KCNIP4: variants seen among roughly 807,000 people sequenced by gnomAD.
KCNIP4 encodes potassium voltage-gated channel interacting protein 4.
In KCNIP4, 12 loss-of-function variants were observed where a neutral mutation model predicts 34.0. The ratio of observed to expected loss-of-function variants is 0.35; its 90% CI spans 0.23 to 0.57. The LOEUF is 0.57. Ranked by LOEUF, KCNIP4 falls within the 20% of genes least tolerant of loss-of-function variation. The probability of loss-of-function intolerance (pLI) is 0.83; values close to 1 mark genes in which losing one functional copy is unlikely to be tolerated. For missense variants in KCNIP4, 238 were observed against 311.7 expected (o/e 0.76, Z 1.78); for synonymous variants, 124 against 102.2 (o/e 1.21, Z -1.29).
At chr4:20,934,697 C>G (rs1474287746) in intron 1 of KCNIP4, among the ~76,000 whole-genome samples, 1 of 151,922 alleles carries the variant, frequency 6.6e-6, no homozygotes, top group Non-Finnish European at 1.5e-5. Context: ...GAGAAATAAA[C>G]AAAAAATAAG....
At chr4:21,417,720 C>T in intron 1 of KCNIP4, among the ~76,000 whole-genome samples, 1 of 152,088 alleles carries the variant, frequency 6.6e-6, no homozygotes. Context: ...ATTTTTCTCC[C>T]TTTGTGGGGC....
intron 3 of KCNIP4, among the ~76,000 whole-genome samples, chr4:20,763,264 G>A (rs541493799): frequency 6.6e-6 from 1 of 152,230 alleles, no homozygotes; most frequent in African/African-American, 2.4e-5. Context: ...ACAGTATTTT[G>A]CTTTTTTGGA....
At chr4:21,437,851 C>A (rs531213986) in intron 1 of KCNIP4, among the ~76,000 whole-genome samples, 1 of 150,346 alleles carries the variant, frequency 6.7e-6, no homozygotes, top group Non-Finnish European at 1.5e-5. Context: ...GTCAATGGAA[C>A]TTAAGGTTTT....
At chr4:21,532,875 A>G (rs114277654) in intron 1 of KCNIP4, among the ~76,000 whole-genome samples, 222 of 152,018 alleles carry the variant, frequency 1.5e-3, no homozygotes, top group African/African-American at 5.1e-3. Flanking sequence ...CTACCATATT[A>G]TATTATCCAA....
At chr4:21,463,760 T>C (rs1317792242) in intron 1 of KCNIP4, among the ~76,000 whole-genome samples, 1 of 152,100 alleles carries the variant, frequency 6.6e-6, no homozygotes, top group Non-Finnish European at 1.5e-5. Flanking sequence ...CTTCTCTTTT[T>C]TGAAAGAGTT....
intron 1 of KCNIP4, among the ~76,000 whole-genome samples, chr4:21,099,454 G>A (rs1747750535): frequency 6.6e-6 from 1 of 152,062 alleles, no homozygotes; most frequent in African/African-American, 2.4e-5. Context: ...ACACACTGGG[G>A]CTTGTCAAGG....
intron 1 of KCNIP4, among the ~76,000 whole-genome samples, chr4:21,256,398 A>T (rs1761063854): frequency 6.7e-6 from 1 of 149,564 alleles, no homozygotes; most frequent in Non-Finnish European, 1.5e-5. Flanking sequence ...TGGGCAACAT[A>T]ATGAGATCCC....
At chr4:21,780,746 C>T (rs1352191121) in intron 1 of KCNIP4, among the ~76,000 whole-genome samples, 2 of 152,166 alleles carry the variant, frequency 1.3e-5, no homozygotes, top group African/African-American at 2.4e-5. Context: ...ACAAATTATC[C>T]ACACACCTGT....
rs149191675 is a variant in KCNIP4 at position 21,139,477 on chromosome 4, T to A, written c.62-256768A>T. Among the ~76,000 whole-genome samples the A allele has an allele frequency of 2.2e-3, 338 of 152,346 alleles. 1 individual carries two copies. The highest frequency in any genetic ancestry group is 7.8e-3 in the African/African-American group (324 of 41,584). ...CAGATGCCCCTTCAATGATGGACTTTGCCCAGTTTGCTCAGAGTACTGTCA... is the reference window on the plus strand; with the variant it reads ...CAGATGCCCCTTCAATGATGGACTTAGCCCAGTTTGCTCAGAGTACTGTCA... On this transcript the variant is annotated intron_variant, in intron 1 of 8. Transcript: ENST00000382152.
intron 1 of KCNIP4, among the ~76,000 whole-genome samples, chr4:21,547,617 T>C (rs890807727): frequency 1.2e-4 from 18 of 152,086 alleles, no homozygotes; most frequent in South Asian, 4.1e-4. Context: ...CCTATAAACT[T>C]AAGCATATGC....
intron 1 of KCNIP4, among the ~76,000 whole-genome samples, chr4:20,949,451 G>A (rs562022561): frequency 2.0e-5 from 3 of 152,204 alleles, no homozygotes; most frequent in Non-Finnish European, 2.9e-5. Flanking sequence ...TCAGTGTGGC[G>A]ATTCCTCAGG....
intron 1 of KCNIP4, among the ~76,000 whole-genome samples, chr4:21,576,315 G>T (rs1199545799): frequency 6.6e-6 from 1 of 152,070 alleles, no homozygotes; most frequent in East Asian, 1.9e-4. Flanking sequence ...AAGCATAAAA[G>T]CCCACTGCTC....
chr4:21,702,581 TTAAG>T (rs1289547252), intron 1 of KCNIP4, among the ~76,000 whole-genome samples: 2 of 152,116 alleles, frequency 1.3e-5, no homozygotes, highest in African/African-American at 2.4e-5. Context: ...TTTATACCTG[TTAAG>T]TAAGTAAATT....
Position 21,225,151 on chromosome 4 carries a change from C to A in KCNIP4, c.62-342442G>T, listed in dbSNP as rs180677335. On this transcript the variant is annotated intron_variant, in intron 1 of 8. Coordinates refer to ENST00000382152, the MANE Select transcript of KCNIP4 (RefSeq NM_025221.6). The stretch of plus-strand genomic sequence containing the variant: ...TCACAACAGGTTTTTTGGGGCATAA[C>A]CCTATTGTAAATTGAGGAGCATCTG... Among the ~76,000 whole-genome samples the A allele has an allele frequency of 7.9e-4, 120 of 152,178 alleles. 1 individual carries two copies. The East Asian group carries it at 0.016, about 21-fold the overall frequency.
intron 1 of KCNIP4, among the ~76,000 whole-genome samples, chr4:21,716,720 A>G (rs1381066187): frequency 6.6e-6 from 1 of 152,082 alleles, no homozygotes; most frequent in Non-Finnish European, 1.5e-5. Flanking sequence ...TTATTAACCC[A>G]TTTGTTTCCT....
intron 1 of KCNIP4, among the ~76,000 whole-genome samples, chr4:20,985,549 G>A (rs567314269): frequency 1.1e-4 from 17 of 152,216 alleles, no homozygotes; most frequent in Admixed American, 3.3e-4. Flanking sequence ...AAGGCAACAG[G>A]CTTTCATTCA....
rs10686415 is a variant in KCNIP4 at position 20,905,509 on chromosome 4, C to CTTTTTTTTTTTTTTTTTTTTTTT, written c.62-22801_62-22800insAAAAAAAAAAAAAAAAAAAAAAA. ...ACACAGGTAGTTGAACGTTTTCTTTCTTTTTTTTTTTTTTTTGTTTGAGAT... is the reference window on the plus strand; with the variant it reads ...ACACAGGTAGTTGAACGTTTTCTTTCTTTTTTTTTTTTTTTTTTTTTTTTTTTTTTTTTTTTTTTGTTTGAGAT... On this transcript the variant is annotated intron_variant, in intron 1 of 8. Transcript: ENST00000382152. 3.3e-3 allele frequency among the ~76,000 whole-genome samples: 238 copies of CTTTTTTTTTTTTTTTTTTTTTTT among 72,760 alleles called. 12 individuals carry two copies. The highest frequency in any genetic ancestry group is 0.012 in the Middle Eastern group (1 of 86). The allele number at this position is 72,760 out of a possible 152,430, so 47.7% of individuals were successfully genotyped here. A position where few individuals can be genotyped will look rare whatever the true frequency, so the allele number is the denominator to read the frequency against.
At chr4:21,113,454 TTAAAAAAAAAAA>T (rs1749410449) in intron 1 of KCNIP4, among the ~76,000 whole-genome samples, 3 of 55,662 alleles carry the variant, frequency 5.4e-5, no homozygotes, top group South Asian at 6.8e-4. Context: ...ATCTATAAGT[TTAAAAAAAAAAA>T]AAAAAAAAAA....
At chr4:21,412,112 G>A (rs1450426346) in intron 1 of KCNIP4, among the ~76,000 whole-genome samples, 3 of 152,174 alleles carry the variant, frequency 2.0e-5, no homozygotes, top group Non-Finnish European at 2.9e-5. Flanking sequence ...AAAATGAAGT[G>A]TAAGAGAAAT....
Sources: allele counts gnomAD v4.1 joint callset (sites outside exome capture counted in the v4.1 genomes callset), GRCh38; gene constraint gnomAD v4.1.1; transcripts MANE v1.5; gene names NCBI Gene and HGNC (gene_info 2026-07-23, HGNC 2026-07-21).